The following ZNF649 variants were observed in gnomAD, a reference collection of about 807,000 sequenced individuals.
ZNF649 encodes the protein zinc finger protein 649.
ZNF649 carries 7 observed loss-of-function variants against 14.1 expected under a neutral mutation model. The observed-to-expected ratio is 0.49, with a 90% CI of 0.28 to 0.93. ZNF649 has a LOEUF of 0.93. ZNF649 is among the 40% of genes least tolerant of loss of function. The pLI, the probability that ZNF649 is intolerant of heterozygous loss-of-function variation, is 0.10. For missense variants in ZNF649, 544 were observed against 608.1 expected (o/e 0.89, Z 1.11); for synonymous variants, 227 against 212.3 (o/e 1.07, Z -0.60).
In ZNF649 at chr19:51,896,457, TTC is replaced by T. The variant is rs779803980; in HGVS notation, c.238+13_238+14del. 21 of 1,611,800 alleles carry T rather than the reference TTC, an allele frequency of 1.3e-5. No homozygotes were observed. The highest frequency in any genetic ancestry group is 6.7e-5 in the Admixed American group (4 of 59,986). On this transcript the variant is annotated intron_variant, in intron 4 of 4. Transcript: ENST00000354957. ...TTCCGCTGCCTTCCCCTCTTGCTGG[TTC>T]TCTCTCACTTACCTGGGTGGGCTGG... is the stretch of plus-strand genomic sequence containing the variant.
In ZNF649 at chr19:51,890,950, G is replaced by A; in HGVS notation, c.1186C>T (p.His396Tyr). 1.9e-6 allele frequency: 3 copies of A among 1,614,022 alleles called. No homozygotes were observed. Among genetic ancestry groups the A allele is most frequent in the Non-Finnish European group, 2.5e-6 (3 of 1,179,906 alleles). ...KSGLIRHQKIHSGEKPYKCSD... is the reference protein window; with the variant it reads ...KSGLIRHQKIYSGEKPYKCSD... The stretch of plus-strand genomic sequence containing the variant: ...CATTTATAGGGTTTCTCTCCTGAGT[G>A]AATTTTCTGATGTCTAATGAGTCCT... Residue 396 changes from histidine to tyrosine, a missense_variant, in exon 5 of 5, where the codon CAC (histidine) becomes TAC (tyrosine). Physicochemically the swap from His to Tyr is moderately conservative, Grantham distance 83. Transcript: ENST00000354957.
rs114597037 is a variant in ZNF649 at position 51,894,860 on chromosome 19, C to T, written c.238+1612G>A. Among the ~76,000 whole-genome samples, 908 of 152,010 alleles carry T rather than the reference C, an allele frequency of 6.0e-3. 9 individuals carry two copies. The highest frequency in any genetic ancestry group is 0.02 in the African/African-American group (835 of 41,442). Reference sequence around the variant, plus strand: ...CCCGAGAGAGCTTCATGTAAAGACACGCCCAGGCCCCCAACTCAATTCTAA... The same window carrying T: ...CCCGAGAGAGCTTCATGTAAAGACATGCCCAGGCCCCCAACTCAATTCTAA... On this transcript the variant is annotated intron_variant, in intron 4 of 4. Transcript: ENST00000354957.
chr19:51,896,372 TTC>T (rs1337852072), intron 4 of ZNF649, 98 bp downstream of exon 4: 1 of 1,033,946 alleles, frequency 9.7e-7, no homozygotes, highest in East Asian at 2.4e-5. Context: ...TGGCAGCTGT[TTC>T]TGTCTCCCTA....
In ZNF649 at chr19:51,900,249, T is replaced by C; in HGVS notation, c.-142A>G. The C allele has an allele frequency of 1.7e-6, 1 of 605,732 alleles. No individual in the cohort carries two copies. The highest frequency in any genetic ancestry group is 2.7e-6 in the Non-Finnish European group (1 of 375,028). The allele number at this position is 605,732 out of a possible 1,614,324, so 37.5% of individuals were successfully genotyped here. A position where few individuals can be genotyped will look rare whatever the true frequency, so the allele number is the denominator to read the frequency against. ...ATGATGACATCCACATCCAGGAACC[T>C]CCTCCTTCCTTCATTTGAACTCTCT... On this transcript the variant is annotated 5_prime_UTR_variant, in exon 2 of 5. Transcript: ENST00000354957.
rs1205049391 is a variant in ZNF649, at chr19:51,891,061, A to C, written c.1075T>G (p.Ser359Ala). Reference protein sequence around the residue: ...IDCGKAFSQKSCLVAHQRYHT... With the variant: ...IDCGKAFSQKACLVAHQRYHT... ...TATCTCTGATGTGCTACAAGGCAAG[A>C]CTTCTGGCTGAAGGCCTTGCCACAG... Residue 359 changes from serine to alanine, a missense_variant, in exon 5 of 5, where the codon TCT becomes GCT. Ser to Ala is a moderately conservative substitution (Grantham distance 99). Transcript: ENST00000354957. The surrounding 1 kb of genome is among the most constrained non-coding windows in gnomAD (Gnocchi z 4.2). The C allele has an allele frequency of 6.2e-7, 1 of 1,614,218 alleles. No individual in the cohort carries two copies. The highest frequency in any genetic ancestry group is 1.3e-5 in the African/African-American group (1 of 75,060).
chr19:51,891,744 T>C lies in ZNF649; in HGVS notation c.392A>G (p.Glu131Gly). ...SRRYNRKEPA[E>G]FNGDGAFLHD... ...GAGAAAAGCTCCATCTCCATTAAAC[T>C]CAGCAGGCTCCTTTCTGTTGTATCT... Residue 131 changes from glutamate to glycine, a missense_variant, in exon 5 of 5, where the codon GAG (glutamate) becomes GGG (glycine). Coordinates refer to ENST00000354957, the MANE Select transcript of ZNF649 (RefSeq NM_023074.4). The surrounding 1 kb of genome is among the most constrained non-coding windows in gnomAD (Gnocchi z 4.2). 1 of 1,613,538 alleles carries C rather than the reference T, an allele frequency of 6.2e-7. No individual in the cohort carries two copies. The highest frequency in any genetic ancestry group is 8.5e-7 in the Non-Finnish European group (1 of 1,179,904).
intron 1 of ZNF649, among the ~76,000 whole-genome samples, chr19:51,900,818 A>C (rs2085090109): frequency 6.6e-6 from 1 of 152,186 alleles, no homozygotes; most frequent in African/African-American, 2.4e-5. Context: ...AGGACACCTG[A>C]GAGTCTGTTA....
chr19:51,890,583 G>A lies in ZNF649; in HGVS notation c.*35C>T, dbSNP rs118021701. On this transcript the variant is annotated 3_prime_UTR_variant, in exon 5 of 5. Coordinates refer to ENST00000354957, the MANE Select transcript of ZNF649 (RefSeq NM_023074.4). ...TGGGACATGACAAACTCAGCATTCCGCTGGAGGCTATATGATCAAACAGCA... is the reference window on the plus strand; with the variant it reads ...TGGGACATGACAAACTCAGCATTCCACTGGAGGCTATATGATCAAACAGCA... 2.7e-3 allele frequency: 3,824 copies of A among 1,421,246 alleles called. 13 individuals are homozygous for A. The highest frequency in any genetic ancestry group is 3.0e-3 in the Non-Finnish European group (3,072 of 1,020,100). The allele number at this position is 1,421,246 out of a possible 1,614,324, so 88.0% of individuals were successfully genotyped here.
At position 51,891,263 on chromosome 19, in the gene ZNF649, T is replaced by C. The variant is rs1427053419; in HGVS notation, c.873A>G (p.Gln291=). The change falls in exon 5 of 5, where the codon CAA becomes CAG. Residue 291 remains glutamine (Q), a synonymous_variant. Coordinates refer to ENST00000354957, the MANE Select transcript of ZNF649 (RefSeq NM_023074.4). This position sits in a 1 kb window ranked among gnomAD's most constrained non-coding sequence, Gnocchi z 4.2. ...AGAAAGCTCTCCCACATTCGCTGCA[T>C]TGATGGGGCTTAATTCCCGTGTGAA... ...QRIHTGIKPH[Q]CSECGRAFSR... 3 of 1,614,208 alleles carry C rather than the reference T, an allele frequency of 1.9e-6. No homozygotes were observed. The highest frequency in any genetic ancestry group is 1.7e-5 in the Admixed American group (1 of 60,020).
intron 4 of ZNF649, among the ~76,000 whole-genome samples, chr19:51,894,167 C>T (rs2085043925): frequency 6.6e-6 from 1 of 151,412 alleles, no homozygotes; most frequent in Non-Finnish European, 1.5e-5. Flanking sequence ...GAGTCTTGCT[C>T]TGTCACCCAG....
chr19:51,891,560 C>G lies in ZNF649; in HGVS notation c.576G>C (p.Gln192His). 3.1e-6 allele frequency: 5 copies of G among 1,614,234 alleles called. No homozygotes were observed. Among genetic ancestry groups the G allele is most frequent in the Non-Finnish European group, 4.2e-6 (5 of 1,180,052 alleles). The change falls in exon 5 of 5, where the codon CAG (glutamine) becomes CAC (histidine). Residue 192 changes from glutamine (Q) to histidine (H), a missense_variant. By Grantham distance (24) the Gln-to-His change is conservative. Transcript: ENST00000354957. The surrounding 1 kb of genome is among the most constrained non-coding windows in gnomAD (Gnocchi z 4.2). ...TATGAATTCTCTTATGCTCAGTGAG[C>G]TGAGACTTCTTGAGGAAAGCTTTCC... ...DCGKAFLKKS[Q>H]LTEHKRIHTG...
chr19:51,897,341 T>G (rs2085068673), intron 2 of ZNF649: 1 of 186,854 alleles, frequency 5.4e-6, no homozygotes. Context: ...TAGTAAAATA[T>G]TCTATATTTT....
Position 51,905,006 on chromosome 19 carries a change from C to T in ZNF649, c.-280G>A, listed in dbSNP as rs2085115726. On this transcript the variant is annotated 5_prime_UTR_variant, in exon 1 of 5. Transcript: ENST00000354957. ...TGGCCTATGGCGGCGGACGAGGGCG[C>T]GAGTCAATTCTGCCGCGCTAGGACG... The T allele has an allele frequency of 6.6e-6, 1 of 152,310 alleles. No homozygotes were observed. Among genetic ancestry groups the T allele is most frequent in the East Asian group, 1.9e-4 (1 of 5,168 alleles). The allele number at this position is 152,310 out of a possible 1,614,324, so 9.4% of individuals were successfully genotyped here. A position where few individuals can be genotyped will look rare whatever the true frequency, so the allele number is the denominator to read the frequency against.
chr19:51,902,020 A>C (rs1213789831), intron 1 of ZNF649, among the ~76,000 whole-genome samples: 1 of 151,894 alleles, frequency 6.6e-6, no homozygotes, highest in Non-Finnish European at 1.5e-5. Context: ...CTTCACACAC[A>C]GATCGGCCCT....
chr19:51,901,251 T>A (rs2085092946), intron 1 of ZNF649, among the ~76,000 whole-genome samples: 1 of 152,018 alleles, frequency 6.6e-6, no homozygotes, highest in Non-Finnish European at 1.5e-5. Context: ...TCAGGATAAA[T>A]CACATTGTTT....
chr19:51,893,561 A>G (rs2085038428), intron 4 of ZNF649, among the ~76,000 whole-genome samples: 1 of 152,172 alleles, frequency 6.6e-6, no homozygotes. Flanking sequence ...GTTCCAACAG[A>G]AAGAGAAACA....
At chr19:51,901,763 T>C (rs1172663704) in intron 1 of ZNF649, among the ~76,000 whole-genome samples, 1 of 152,010 alleles carries the variant, frequency 6.6e-6, no homozygotes, top group African/African-American at 2.4e-5. Context: ...GGCAACATGG[T>C]GAAACCCCAT....
At chr19:51,903,387 A>C (rs545589607) in intron 1 of ZNF649, among the ~76,000 whole-genome samples, 78 of 152,238 alleles carry the variant, frequency 5.1e-4, no homozygotes, top group African/African-American at 1.8e-3. Flanking sequence ...CCCCCGTCCT[A>C]AGGCCAGCCA....
intron 4 of ZNF649, among the ~76,000 whole-genome samples, chr19:51,895,135 A>G (rs2122763101): frequency 6.6e-6 from 1 of 152,222 alleles, no homozygotes; most frequent in South Asian, 2.1e-4. Context: ...ACCAAATCAC[A>G]CTGATGTGGT....
Sources: gnomAD v4.1 joint callset for allele counts (sites outside exome capture counted in the v4.1 genomes callset) on GRCh38, gnomAD v4.1.1 for gene constraint, Gnocchi (gnomAD v3.1) non-coding constraint, MANE v1.5 for transcripts, NCBI Gene and HGNC (gene_info 2026-07-23, HGNC 2026-07-21) for gene names.